DCC: variants seen among roughly 807,000 people sequenced by gnomAD.
DCC encodes netrin receptor DCC.
A neutral mutation model predicts 172.5 loss-of-function variants in DCC; 58 were observed. The observed-to-expected ratio is 0.34, with a 90% confidence interval of 0.27 to 0.42. DCC has a LOEUF of 0.42. Ranked by LOEUF, DCC falls within the 10% of genes least tolerant of loss-of-function variation. The pLI is 1.00. For synonymous variants in DCC, 709 were observed against 644.5 expected (o/e 1.10, Z -1.52); for missense variants, 1,740 against 1,791.0 (o/e 0.97, Z 0.51).
intron 1 of DCC, among the ~76,000 whole-genome samples, chr18:52,441,608 T>C (rs1016132060): frequency 6.6e-6 from 1 of 152,198 alleles, no homozygotes; most frequent in Non-Finnish European, 1.5e-5. Flanking sequence ...TTTCATCTTC[T>C]TCAGCCTGAC....
rs566872025 is a variant in DCC at position 52,951,862 on chromosome 18, G to A, written c.985+26492G>A. Among the ~76,000 whole-genome samples the A allele has an allele frequency of 5.3e-5, 8 of 152,258 alleles. No homozygotes were observed. The East Asian group carries it at 1.5e-3, about 29-fold the overall frequency. ...GTTATTATTACTAATAGTTGGATAG[G>A]CACCCATGCTTATTTCCATGATAAG... On this transcript the variant is annotated intron_variant, in intron 5 of 28. Transcript: ENST00000442544.
chr18:52,744,195 T>C (rs894112538), intron 1 of DCC, among the ~76,000 whole-genome samples: 1 of 152,206 alleles, frequency 6.6e-6, no homozygotes, highest in Admixed American at 6.5e-5. Context: ...TTAGGACATG[T>C]TTATACTAAA....
rs572820933 is a variant in DCC at position 53,352,126 on chromosome 18, C to G, written c.2359+12219C>G. Among the ~76,000 whole-genome samples the G allele has an allele frequency of 2.6e-5, 4 of 152,112 alleles. 1 individual carries two copies. Among genetic ancestry groups the G allele is most frequent in the African/African-American group, 9.6e-5 (4 of 41,536 alleles). Reference sequence around the variant, plus strand: ...AAATCCCTCTTTCTATAGGGAAAAACAAGGTATTTTAGCAAAATTAAATAT... The same window carrying G: ...AAATCCCTCTTTCTATAGGGAAAAAGAAGGTATTTTAGCAAAATTAAATAT... On this transcript the variant is annotated intron_variant, in intron 15 of 28. Transcript: ENST00000442544.
In DCC at chr18:53,047,903, A is replaced by ATGTG. The variant is rs35014270; in HGVS notation, c.986-15376_986-15373dup. 3.7e-3 allele frequency among the ~76,000 whole-genome samples: 542 copies of ATGTG among 146,884 alleles called. 3 individuals are homozygous for ATGTG. The highest frequency in any genetic ancestry group is 5.7e-3 in the Non-Finnish European group (378 of 65,928). Reference sequence around the variant, plus strand: ...ATTTTCTTTTGTGTTTTCCTTCGAGATGTGTGTGTGTGTGTGTGTGTGTGT... The same window carrying ATGTG: ...ATTTTCTTTTGTGTTTTCCTTCGAGATGTGTGTGTGTGTGTGTGTGTGTGTGTGT... On this transcript the variant is annotated intron_variant, in intron 5 of 28. Coordinates refer to ENST00000442544, the MANE Select transcript of DCC (RefSeq NM_005215.4).
chr18:52,814,738 A>G (rs2038260966), intron 2 of DCC, among the ~76,000 whole-genome samples: 1 of 152,322 alleles, frequency 6.6e-6, no homozygotes, highest in South Asian at 2.1e-4. Flanking sequence ...AGCCTTTCTT[A>G]AACTCAGTTA....
chr18:53,028,269 T>C (rs1008709130), intron 5 of DCC, among the ~76,000 whole-genome samples: 1 of 152,140 alleles, frequency 6.6e-6, no homozygotes, highest in African/African-American at 2.4e-5. Flanking sequence ...TGTTTTGATT[T>C]TTGCTTTCTC....
Position 53,132,238 on chromosome 18 carries a change from C to A in DCC, c.1262-25118C>A, listed in dbSNP as rs148279610. Among the ~76,000 whole-genome samples the A allele has an allele frequency of 6.6e-5, 10 of 151,934 alleles. No individual in the cohort carries two copies. The East Asian group carries it at 1.6e-3, about 24-fold the overall frequency. On this transcript the variant is annotated intron_variant, in intron 7 of 28. Coordinates refer to ENST00000442544, the MANE Select transcript of DCC (RefSeq NM_005215.4). ...AGTGATGTGCTGATAAGAAAAACAT[C>A]CCTGATTTGGAGAATTTGCCAGTTT...
In DCC at chr18:52,542,977, C is replaced by T. The variant is rs1024300026; in HGVS notation, c.91+202099C>T. On this transcript the variant is annotated intron_variant, in intron 1 of 28. Transcript: ENST00000442544. The stretch of plus-strand genomic sequence containing the variant: ...AATATTCGAAGCTGGGCTTAACCTG[C>T]CCTTTAGTTCCATGAATTCAAACTA... Among the ~76,000 whole-genome samples, 3 of 152,168 alleles carry T rather than the reference C, an allele frequency of 2.0e-5. No homozygotes were observed. The East Asian group carries it at 5.8e-4, about 29-fold the overall frequency.
chr18:52,634,197 T>C (rs2034730559), intron 1 of DCC, among the ~76,000 whole-genome samples: 1 of 152,248 alleles, frequency 6.6e-6, no homozygotes, highest in African/African-American at 2.4e-5. Flanking sequence ...ATAGCATAGA[T>C]TGTTCAGTGT....
At chr18:52,797,233 T>C (rs564682775) in intron 2 of DCC, among the ~76,000 whole-genome samples, 8 of 152,318 alleles carry the variant, frequency 5.3e-5, no homozygotes, top group Middle Eastern at 3.4e-3. Flanking sequence ...TCATAAAATT[T>C]CTAATAAGGA....
At chr18:53,134,599 C>A (rs1356978370) in intron 7 of DCC, among the ~76,000 whole-genome samples, 1 of 152,094 alleles carries the variant, frequency 6.6e-6, no homozygotes, top group Non-Finnish European at 1.5e-5. Context: ...TTTACCTAGC[C>A]AGTTGGTAGG....
intron 25 of DCC, among the ~76,000 whole-genome samples, chr18:53,480,220 GGTC>G (rs2045815917): frequency 6.6e-6 from 1 of 152,068 alleles, no homozygotes; most frequent in Non-Finnish European, 1.5e-5. Context: ...AGATTGCAGG[GGTC>G]TTAAAGTTTC....
chr18:52,949,067 G>C (rs2040594804), intron 5 of DCC, among the ~76,000 whole-genome samples: 1 of 152,152 alleles, frequency 6.6e-6, no homozygotes, highest in Non-Finnish European at 1.5e-5. Flanking sequence ...TCCCAGATGT[G>C]GCTATTGCCA....
intron 13 of DCC, among the ~76,000 whole-genome samples, chr18:53,311,480 C>T (rs1459764271): frequency 1.3e-5 from 2 of 152,112 alleles, no homozygotes; most frequent in African/African-American, 4.8e-5. Context: ...TGGCTAAGGT[C>T]CTCCACTAGT....
At chr18:52,796,056 A>G (rs900498183) in intron 2 of DCC, among the ~76,000 whole-genome samples, 2 of 74,118 alleles carry the variant, frequency 2.7e-5, no homozygotes, top group African/African-American at 7.3e-5. Context: ...CTATAGGTAC[A>G]GTTACTTTTT....
At chr18:52,851,058 GATAATT>G (rs980093384) in intron 2 of DCC, among the ~76,000 whole-genome samples, 35 of 152,072 alleles carry the variant, frequency 2.3e-4, no homozygotes, top group Non-Finnish European at 1.8e-4. Context: ...TCAGTAAGTA[GATAATT>G]ATAATTAATA....
At chr18:52,786,399 A>G (rs1308341780) in intron 2 of DCC, among the ~76,000 whole-genome samples, 2 of 151,440 alleles carry the variant, frequency 1.3e-5, no homozygotes, top group Admixed American at 6.6e-5. Context: ...TGAGACAAGG[A>G]TTTAATGACA....
In DCC at chr18:52,400,316, T is replaced by C. The variant is rs1429529773; in HGVS notation, c.91+59438T>C. Among the ~76,000 whole-genome samples the C allele has an allele frequency of 2.6e-5, 4 of 152,044 alleles. No individual in the cohort carries two copies. In the South Asian group the frequency reaches 6.2e-4, roughly 24 times the overall value. On this transcript the variant is annotated intron_variant, in intron 1 of 28. Transcript: ENST00000442544. Reference sequence around the variant, plus strand: ...CACCAAAAAATATGGATGATTTCTCTAGTACCTTCAAATTTCCTAAACAAA... The same window carrying C: ...CACCAAAAAATATGGATGATTTCTCCAGTACCTTCAAATTTCCTAAACAAA...
intron 13 of DCC, among the ~76,000 whole-genome samples, chr18:53,313,067 GAAAGGAAGGAAGGAA>G (rs1160222502): frequency 1.7e-4 from 11 of 64,090 alleles, no homozygotes; most frequent in African/African-American, 4.1e-4. Flanking sequence ...GGAAAGGGTG[GAAAGGAAGGAAGGAA>G]AAAGGAAGGA....
Sources: allele counts gnomAD v4.1 joint callset (sites outside exome capture counted in the v4.1 genomes callset), GRCh38; gene constraint gnomAD v4.1.1; transcripts MANE v1.5; gene names NCBI Gene and HGNC (gene_info 2026-07-23, HGNC 2026-07-21).